The following CCNI variants were observed in gnomAD, a reference collection of about 807,000 sequenced individuals.
CCNI encodes the protein cyclin-I.
A neutral mutation model predicts 34.1 loss-of-function variants in CCNI; 14 were observed. The observed-to-expected ratio is 0.41, with a 90% CI of 0.27 to 0.64. The LOEUF (loss-of-function observed/expected upper bound fraction) is 0.64, where lower values mean the gene tolerates loss of function less well. Among genes scored for constraint, CCNI ranks in the 30% least tolerant of loss-of-function variants. The pLI, the probability that CCNI is intolerant of heterozygous loss-of-function variation, is 0.31. For synonymous variants in CCNI, 154 were observed against 158.4 expected, an observed-to-expected ratio of 0.97 and a Z score of 0.21; for missense variants, 385 against 440.5, an observed-to-expected ratio of 0.87 and a Z score of 1.13.
chr4:77,060,647 G>A (rs1412858607), intron 2 of CCNI, among the ~76,000 whole-genome samples: 17 of 141,018 alleles, frequency 1.2e-4, no homozygotes, highest in African/African-American at 4.3e-4. Context: ...TTTTTGAGAT[G>A]GAGTCTCGCT....
chr4:77,062,947 A>G (rs1171835471), intron 2 of CCNI, among the ~76,000 whole-genome samples: 1 of 152,224 alleles, frequency 6.6e-6, no homozygotes, highest in Admixed American at 6.5e-5. Flanking sequence ...GATAATCACC[A>G]TTCACTTAAA....
At chr4:77,066,014 T>C (rs538589793) in intron 2 of CCNI, among the ~76,000 whole-genome samples, 74 of 152,232 alleles carry the variant, frequency 4.9e-4, no homozygotes, top group African/African-American at 1.8e-3. Flanking sequence ...GGTGAGAGGA[T>C]TGCTTGAGCC....
At chr4:77,062,269 A>AT in intron 2 of CCNI, among the ~76,000 whole-genome samples, 1 of 152,216 alleles carries the variant, frequency 6.6e-6, no homozygotes, top group Non-Finnish European at 1.5e-5. Context: ...AACGTTCAAC[A>AT]TTTTTTTAAA....
chr4:77,066,552 C>A, intron 1 of CCNI, 147 bp from the exon 2 acceptor site: 1 of 555,128 alleles, frequency 1.8e-6, no homozygotes, highest in Non-Finnish European at 3.1e-6. Context: ...ATTAAAATAC[C>A]AAAATAATCA....
intron 2 of CCNI, among the ~76,000 whole-genome samples, chr4:77,060,030 C>G (rs78031418): frequency 6.6e-6 from 1 of 151,766 alleles, no homozygotes; most frequent in South Asian, 2.1e-4. Flanking sequence ...CGATGACTTA[C>G]AGTAGCTATG....
chr4:77,069,389 TAAAG>T (rs969718857), intron 1 of CCNI, among the ~76,000 whole-genome samples: 23 of 152,174 alleles, frequency 1.5e-4, no homozygotes, highest in Admixed American at 1.5e-3. Context: ...TGTCTCCAAA[TAAAG>T]AAATCCCTAT....
At position 77,058,506 on chromosome 4, in the gene CCNI, C is replaced by G; in HGVS notation, c.243+1G>C. The G allele has an allele frequency of 1.2e-6, 2 of 1,611,886 alleles. No individual in the cohort carries two copies. Among genetic ancestry groups the G allele is most frequent in the Non-Finnish European group, 1.7e-6 (2 of 1,178,876 alleles). On this transcript the variant is annotated splice_donor_variant, in intron 3 of 6. Coordinates refer to ENST00000237654, the MANE Select transcript of CCNI (RefSeq NM_006835.3). LOFTEE classifies it high-confidence loss of function. ...ATGTAAGTCTATCTTAAAACACTTA[C>G]CTTTACGGTAGCTAAAAACCTATCC... is the stretch of plus-strand genomic sequence containing the variant.
At chr4:77,070,529 T>C (rs1174305484) in intron 1 of CCNI, among the ~76,000 whole-genome samples, 1 of 151,686 alleles carries the variant, frequency 6.6e-6, no homozygotes, top group African/African-American at 2.4e-5. Context: ...AAATATTCTT[T>C]ATAAAAAAGA....
At chr4:77,050,254 C>T (rs1727737326) in intron 6 of CCNI, among the ~76,000 whole-genome samples, 1 of 152,118 alleles carries the variant, frequency 6.6e-6, no homozygotes, top group African/African-American at 2.4e-5. Context: ...ATTTAACTAT[C>T]AGGGATCACT....
chr4:77,058,532 A>G lies in CCNI; in HGVS notation c.218T>C (p.Leu73Ser). The G allele has an allele frequency of 6.2e-7, 1 of 1,613,538 alleles. No individual in the cohort carries two copies. The highest frequency in any genetic ancestry group is 8.5e-7 in the Non-Finnish European group (1 of 1,179,730). ...CTTTACGGTAGCTAAAAACCTATCC[A>G]AAAGACTGCTAGCCAGAGCAAATGT... ...PETFALASSLLDRFLATVKAH... is the reference protein window; with the variant it reads ...PETFALASSLSDRFLATVKAH... The change falls in exon 3 of 7, where the codon TTG (leucine) becomes TCG (serine). Residue 73 changes from leucine (L) to serine (S), a missense_variant. Leu to Ser is a moderately radical substitution (Grantham distance 145). This residue lies in a region of CCNI where 135 missense variants were observed against 191.8 expected (regional missense o/e 0.70). Transcript: ENST00000237654.
intron 6 of CCNI, among the ~76,000 whole-genome samples, chr4:77,054,894 G>A (rs4252907): frequency 0.037 from 5,678 of 152,120 alleles, 365 homozygotes; most frequent in African/African-American, 0.13. Context: ...ATATGGTATT[G>A]ACAATCTTAT....
chr4:77,072,909 G>A (rs1428709365), intron 1 of CCNI, among the ~76,000 whole-genome samples: 3 of 152,104 alleles, frequency 2.0e-5, no homozygotes, highest in Non-Finnish European at 4.4e-5. Flanking sequence ...AAGAACAAAA[G>A]ACAAGACTAG....
At chr4:77,065,138 TGAA>T (rs1728942834) in intron 2 of CCNI, 1 of 152,180 alleles carries the variant, frequency 6.6e-6, no homozygotes, top group South Asian at 2.1e-4. Flanking sequence ...TAACAGTAAA[TGAA>T]GAATGTATTT....
intron 3 of CCNI, among the ~76,000 whole-genome samples, chr4:77,057,383 T>G (rs1287722310): frequency 1.3e-5 from 2 of 152,226 alleles, no homozygotes; most frequent in Non-Finnish European, 2.9e-5. Flanking sequence ...AAATATCTCA[T>G]TTTTTCATAT....
chr4:77,071,259 G>A (rs1054557082), intron 1 of CCNI, among the ~76,000 whole-genome samples: 19 of 152,038 alleles, frequency 1.2e-4, no homozygotes, highest in African/African-American at 4.3e-4. Context: ...TTAAAACAAA[G>A]GTATCTGGTC....
Position 77,056,579 on chromosome 4 carries a change from G to C in CCNI, c.244-256C>G, listed in dbSNP as rs976462417. On this transcript the variant is annotated intron_variant, in intron 3 of 6. Transcript: ENST00000237654. ...ACACTTGCAAGATCAAGTGTGTCTAGAGCTAACTTTTTTTTTTTTTTTTTT... is the reference window on the plus strand; with the variant it reads ...ACACTTGCAAGATCAAGTGTGTCTACAGCTAACTTTTTTTTTTTTTTTTTT... The C allele has an allele frequency of 4.9e-5, 16 of 329,568 alleles. No individual in the cohort carries two copies. In the Admixed American group the frequency reaches 4.9e-4, roughly 10 times the overall value. 20.4% of individuals were successfully genotyped at this position (329,568 alleles called of 1,614,324 possible).
rs1369171143 is a variant in CCNI at position 77,066,388 on chromosome 4, C to T, written c.-26G>A. ...GATATCCTTTGGATCTGCCTGCTACCCAGCTTGCTGTAGCTACCTACAGAA... is the reference window on the plus strand; with the variant it reads ...GATATCCTTTGGATCTGCCTGCTACTCAGCTTGCTGTAGCTACCTACAGAA... On this transcript the variant is annotated 5_prime_UTR_variant, in exon 2 of 7. The change creates a premature stop within an existing upstream ORF in the 5' untranslated region. Transcript: ENST00000237654. The T allele has an allele frequency of 1.2e-6, 2 of 1,612,930 alleles. No individual in the cohort carries two copies. Among genetic ancestry groups the T allele is most frequent in the Non-Finnish European group, 1.7e-6 (2 of 1,179,430 alleles).
intron 1 of CCNI, among the ~76,000 whole-genome samples, chr4:77,074,447 G>C (rs1473470203): frequency 6.6e-6 from 1 of 152,132 alleles, no homozygotes; most frequent in Non-Finnish European, 1.5e-5. Flanking sequence ...AGATAACACT[G>C]CTATTTCAAC....
intron 1 of CCNI, among the ~76,000 whole-genome samples, chr4:77,067,500 A>G (rs916697595): frequency 1.3e-5 from 2 of 152,026 alleles, no homozygotes; most frequent in Admixed American, 6.5e-5. Context: ...TTTTATGTTT[A>G]TATGTATTTG....
Sources: gnomAD v4.1 joint callset for allele counts (sites outside exome capture counted in the v4.1 genomes callset) on GRCh38, gnomAD v4.1.1 for gene constraint, gnomAD v4.1.1 regional missense constraint, MANE v1.5 for transcripts, NCBI Gene and HGNC (gene_info 2026-07-23, HGNC 2026-07-21) for gene names.